The following CDH13 variants were observed in gnomAD, a reference collection of about 807,000 sequenced individuals.
The protein encoded by CDH13 is cadherin 13, also known as cadherin-13.
In CDH13, 24 loss-of-function variants were observed where a neutral mutation model predicts 63.8. The ratio of observed to expected loss-of-function variants is 0.38; its 90% CI spans 0.27 to 0.53. The LOEUF is 0.53. Among genes scored for constraint, CDH13 ranks in the 20% least tolerant of loss-of-function variants. CDH13 has a pLI of 0.85. For missense variants in CDH13, 1,049 were observed against 903.1 expected (o/e 1.16, Z -2.07); for synonymous variants, 503 against 355.3 (o/e 1.42, Z -4.67).
chr16:83,294,590 A>G (rs2089543447), intron 5 of CDH13, among the ~76,000 whole-genome samples: 1 of 138,902 alleles, frequency 7.2e-6, no homozygotes, highest in African/African-American at 2.7e-5. Flanking sequence ...TAATATATAC[A>G]TATATATGTG....
intron 5 of CDH13, among the ~76,000 whole-genome samples, chr16:83,287,830 G>T (rs1360481517): frequency 6.6e-6 from 1 of 152,118 alleles, no homozygotes; most frequent in Non-Finnish European, 1.5e-5. Context: ...ATAGGTTTGG[G>T]ACCTCTGATC....
At chr16:83,552,592 AG>A (rs1474694057) in intron 7 of CDH13, among the ~76,000 whole-genome samples, 1 of 152,230 alleles carries the variant, frequency 6.6e-6, no homozygotes, top group East Asian at 1.9e-4. Context: ...GTGAATAGAA[AG>A]TCACATTACT....
At chr16:83,328,620 G>C (rs888163956) in intron 5 of CDH13, among the ~76,000 whole-genome samples, 1 of 152,130 alleles carries the variant, frequency 6.6e-6, no homozygotes, top group Non-Finnish European at 1.5e-5. Flanking sequence ...TGGCTTGGCT[G>C]AGAAGGTAAC....
chr16:83,506,169 G>A (rs1336221416), intron 7 of CDH13, among the ~76,000 whole-genome samples: 1 of 152,166 alleles, frequency 6.6e-6, no homozygotes, highest in Non-Finnish European at 1.5e-5. Context: ...AGGCCAAGGG[G>A]AGGAAAGAAG....
intron 5 of CDH13, among the ~76,000 whole-genome samples, chr16:83,327,254 G>C (rs1315869326): frequency 6.6e-6 from 1 of 152,212 alleles, no homozygotes; most frequent in Non-Finnish European, 1.5e-5. Context: ...ATAATCCCAT[G>C]TAAAATATTT....
chr16:83,315,726 T>C (rs1289432316), intron 5 of CDH13, among the ~76,000 whole-genome samples: 1 of 152,154 alleles, frequency 6.6e-6, no homozygotes, highest in East Asian at 1.9e-4. Context: ...CATCGGGATC[T>C]TGCATGATTT....
At chr16:82,938,365 A>G (rs1331183182) in intron 2 of CDH13, among the ~76,000 whole-genome samples, 1 of 152,266 alleles carries the variant, frequency 6.6e-6, no homozygotes, top group Non-Finnish European at 1.5e-5. Flanking sequence ...TAAACTGAGC[A>G]GATTAAATGA....
intron 2 of CDH13, among the ~76,000 whole-genome samples, chr16:82,997,730 A>G (rs965294271): frequency 6.6e-6 from 1 of 152,190 alleles, no homozygotes; most frequent in African/African-American, 2.4e-5. Flanking sequence ...GAGCTCAGCT[A>G]TATCTAACAT....
intron 1 of CDH13, among the ~76,000 whole-genome samples, chr16:82,701,211 T>C (rs1051157280): frequency 3.9e-5 from 6 of 152,156 alleles, no homozygotes; most frequent in African/African-American, 1.4e-4. Flanking sequence ...ATGCTACCTC[T>C]GAAATATTTC....
At chr16:83,044,973 C>T (rs1032610973) in intron 3 of CDH13, among the ~76,000 whole-genome samples, 1 of 152,162 alleles carries the variant, frequency 6.6e-6, no homozygotes, top group Non-Finnish European at 1.5e-5. Context: ...CCTCCTATCT[C>T]TTGTTATTAC....
intron 3 of CDH13, among the ~76,000 whole-genome samples, chr16:83,119,513 A>G (rs144920835): frequency 3.5e-4 from 53 of 152,238 alleles, no homozygotes; most frequent in African/African-American, 1.1e-3. Flanking sequence ...AAGAGATCTT[A>G]TTACCTCCCT....
intron 1 of CDH13, among the ~76,000 whole-genome samples, chr16:82,694,088 G>C (rs2029963650): frequency 6.6e-6 from 1 of 152,162 alleles, no homozygotes; most frequent in Non-Finnish European, 1.5e-5. Context: ...AAAAAATTCA[G>C]TGCCTGGCAC....
intron 2 of CDH13, among the ~76,000 whole-genome samples, chr16:82,879,194 C>A (rs887405900): frequency 2.6e-5 from 4 of 152,072 alleles, no homozygotes; most frequent in Admixed American, 6.6e-5. Flanking sequence ...GCTCTGGCAC[C>A]TGAATGCTTG....
At chr16:82,988,727 A>G (rs1384857436) in intron 2 of CDH13, among the ~76,000 whole-genome samples, 1 of 149,772 alleles carries the variant, frequency 6.7e-6, no homozygotes. Flanking sequence ...GCACCACTGC[A>G]CTCCAGCCTG....
At chr16:82,799,215 A>G (rs2036733863) in intron 1 of CDH13, among the ~76,000 whole-genome samples, 1 of 152,194 alleles carries the variant, frequency 6.6e-6, no homozygotes, top group Non-Finnish European at 1.5e-5. Context: ...GATCAAAGAA[A>G]AGTCTAATAC....
intron 7 of CDH13, among the ~76,000 whole-genome samples, chr16:83,544,279 G>T (rs773632193): frequency 6.6e-6 from 1 of 152,124 alleles, no homozygotes; most frequent in Admixed American, 6.5e-5. Flanking sequence ...TCTATAGGAC[G>T]ATTGAGTCTG....
At chr16:82,799,579 C>G (rs66569995) in intron 1 of CDH13, among the ~76,000 whole-genome samples, 9,724 of 152,256 alleles carry the variant, frequency 0.064, 347 homozygotes, top group South Asian at 0.1. Flanking sequence ...AAATGGAAAA[C>G]TCTTACTTAG....
At chr16:82,829,483 G>A (rs1234377603) in intron 1 of CDH13, 5 of 152,068 alleles carry the variant, frequency 3.3e-5, no homozygotes, top group Non-Finnish European at 7.4e-5. Flanking sequence ...TACCCAAGAG[G>A]AAATAATTTG....
chr16:83,653,896 A>G (rs1433577216), intron 8 of CDH13, among the ~76,000 whole-genome samples: 1 of 152,154 alleles, frequency 6.6e-6, no homozygotes, highest in Non-Finnish European at 1.5e-5. Context: ...AGCCATAAAT[A>G]TTTGTGGAAT....
Sources: allele counts gnomAD v4.1 joint callset (sites outside exome capture counted in the v4.1 genomes callset), GRCh38; gene constraint gnomAD v4.1.1; transcripts MANE v1.5; gene names NCBI Gene and HGNC (gene_info 2026-07-23, HGNC 2026-07-21).